UBASH3B: variants seen among roughly 807,000 people sequenced by gnomAD.
UBASH3B encodes the protein ubiquitin associated and SH3 domain containing B.
A neutral mutation model predicts 83.4 loss-of-function variants in UBASH3B; 37 were observed. That is an observed-to-expected ratio of 0.44 (90% confidence interval 0.34 to 0.58). The LOEUF (loss-of-function observed/expected upper bound fraction) is 0.58. Among genes scored for constraint, UBASH3B ranks in the 20% least tolerant of loss-of-function variants. UBASH3B has a pLI of 0.01. For missense variants in UBASH3B, 657 were observed against 827.2 expected, an observed-to-expected ratio of 0.79 and a Z score of 2.52; for synonymous variants, 304 against 318.3, an observed-to-expected ratio of 0.96 and a Z score of 0.48.
At chr11:122,690,256 T>TTA (rs201574384) in intron 1 of UBASH3B, among the ~76,000 whole-genome samples, 82 of 117,822 alleles carry the variant, frequency 7.0e-4, no homozygotes, top group East Asian at 3.2e-3. Context: ...ATATATCCAA[T>TTA]TATATATATA....
At chr11:122,681,189 A>G (rs575390416) in intron 1 of UBASH3B, among the ~76,000 whole-genome samples, 7 of 152,334 alleles carry the variant, frequency 4.6e-5, no homozygotes, top group Non-Finnish European at 1.0e-4. Flanking sequence ...TAAAAGCATA[A>G]TAGAATGAAT....
intron 6 of UBASH3B, among the ~76,000 whole-genome samples, chr11:122,790,895 G>A (rs1861041562): frequency 6.6e-6 from 1 of 151,760 alleles, no homozygotes. Context: ...AGGTTGCAGT[G>A]AGCTGAGATC....
intron 10 of UBASH3B, 38 bp downstream of exon 10, chr11:122,799,072 CCT>C (rs746854882): frequency 1.3e-6 from 2 of 1,547,774 alleles, no homozygotes; most frequent in Non-Finnish European, 1.8e-6. Flanking sequence ...GTAGTCCATC[CCT>C]CTCTTTCTAG....
intron 1 of UBASH3B, among the ~76,000 whole-genome samples, chr11:122,708,081 C>T (rs1365025339): frequency 1.3e-5 from 2 of 152,088 alleles, no homozygotes; most frequent in Non-Finnish European, 2.9e-5. Context: ...TACTAGGAAA[C>T]ACACTGAGCC....
chr11:122,729,628 A>G (rs1202327675), intron 1 of UBASH3B, among the ~76,000 whole-genome samples: 1 of 151,974 alleles, frequency 6.6e-6, no homozygotes, highest in East Asian at 1.9e-4. Context: ...CTTTATGAGT[A>G]TTTTGGAGTA....
rs563649832 is a variant in UBASH3B, at chr11:122,744,909, G to A, written c.162-31310G>A. On this transcript the variant is annotated intron_variant, in intron 1 of 13. Coordinates refer to ENST00000284273, the MANE Select transcript of UBASH3B (RefSeq NM_032873.5). ...TGTGTGTGTGTGTGTGCGCGCGCGC[G>A]CGCACTTGGGCACGTGAGTGTGCCG... Among the ~76,000 whole-genome samples, 548 of 139,480 alleles carry A rather than the reference G, an allele frequency of 3.9e-3. 5 individuals are homozygous for A. The highest frequency in any genetic ancestry group is 0.025 in the South Asian group (115 of 4,540). The allele number at this position is 139,480 out of a possible 152,430, so 91.5% of individuals were successfully genotyped here. A position where few individuals can be genotyped will look rare whatever the true frequency, so the allele number is the denominator to read the frequency against.
rs150906759 is a variant in UBASH3B at position 122,759,431 on chromosome 11, G to A, written c.162-16788G>A. Among the ~76,000 whole-genome samples, 222 of 152,286 alleles carry A rather than the reference G, an allele frequency of 1.5e-3. 1 individual carries two copies. Among genetic ancestry groups the A allele is most frequent in the African/African-American group, 5.3e-3 (219 of 41,550 alleles). On this transcript the variant is annotated intron_variant, in intron 1 of 13. Transcript: ENST00000284273. The surrounding 1 kb of genome is among the most constrained non-coding windows in gnomAD (Gnocchi z 4.1). ...GTGTGATGGTTTGGGGATGATTCAAGTGCATTACATTTATTGTGCACTTTA... is the reference window on the plus strand; with the variant it reads ...GTGTGATGGTTTGGGGATGATTCAAATGCATTACATTTATTGTGCACTTTA...
intron 1 of UBASH3B, among the ~76,000 whole-genome samples, chr11:122,751,998 T>C (rs1282546795): frequency 1.3e-5 from 2 of 151,884 alleles, no homozygotes; most frequent in Non-Finnish European, 2.9e-5. Flanking sequence ...ACCTAAAGTA[T>C]AAAAAAAGGG....
At chr11:122,731,297 T>A (rs1337613051) in intron 1 of UBASH3B, among the ~76,000 whole-genome samples, 1 of 152,218 alleles carries the variant, frequency 6.6e-6, no homozygotes, top group Non-Finnish European at 1.5e-5. Flanking sequence ...GAAGATGAGT[T>A]TTTACTGTAG....
intron 9 of UBASH3B, among the ~76,000 whole-genome samples, chr11:122,797,484 T>C (rs950284688): frequency 4.6e-5 from 7 of 152,212 alleles, no homozygotes; most frequent in African/African-American, 1.7e-4. Flanking sequence ...GTATTTTCTG[T>C]TCAGTCACTT....
intron 1 of UBASH3B, among the ~76,000 whole-genome samples, chr11:122,767,075 C>T (rs927534093): frequency 2.0e-5 from 3 of 152,028 alleles, no homozygotes; most frequent in Non-Finnish European, 4.4e-5. Flanking sequence ...GTCACGAGAT[C>T]GAGACCAGCC....
rs764519535 is a variant in UBASH3B at position 122,806,564 on chromosome 11, T to A, written c.1702+48T>A. Reference sequence around the variant, plus strand: ...CCATCTGTACATACGTGATTATTTCTCTATAATGGTTAATAGGTTATTCAA... The same window carrying A: ...CCATCTGTACATACGTGATTATTTCACTATAATGGTTAATAGGTTATTCAA... On this transcript the variant is annotated intron_variant, in intron 12 of 13. Coordinates refer to ENST00000284273, the MANE Select transcript of UBASH3B (RefSeq NM_032873.5). This position sits in a 1 kb window ranked among gnomAD's most constrained non-coding sequence, Gnocchi z 4.0. 6.7e-7 allele frequency: 1 copy of A among 1,500,504 alleles called. No individual in the cohort carries two copies. The highest frequency in any genetic ancestry group is 8.8e-7 in the Non-Finnish European group (1 of 1,132,258). 92.9% of individuals were successfully genotyped at this position (1,500,504 alleles called of 1,614,324 possible).
intron 1 of UBASH3B, among the ~76,000 whole-genome samples, chr11:122,667,403 T>A (rs1863534404): frequency 6.6e-6 from 1 of 152,136 alleles, no homozygotes. Context: ...TTCACACATT[T>A]ATGTGCAACT....
At position 122,794,584 on chromosome 11, in the gene UBASH3B, A is replaced by T. The variant is rs976403029; in HGVS notation, c.981-118A>T. On this transcript the variant is annotated intron_variant, in intron 6 of 13. Transcript: ENST00000284273. ...AGGCCACTCCTGCTCAGCATCCCCC[A>T]TCATTGTGCTACCCACAGAGGGCTT... 3.9e-6 allele frequency: 5 copies of T among 1,289,736 alleles called. No homozygotes were observed. The African/African-American group carries it at 7.5e-5, about 19-fold the overall frequency. The allele number at this position is 1,289,736 out of a possible 1,614,324, so 79.9% of individuals were successfully genotyped here.
chr11:122,743,812 G>GT (rs1356067912), intron 1 of UBASH3B, among the ~76,000 whole-genome samples: 11 of 152,228 alleles, frequency 7.2e-5, no homozygotes, highest in Non-Finnish European at 1.6e-4. Context: ...GCAGGCACGA[G>GT]TAAGTCTAGC....
intron 1 of UBASH3B, among the ~76,000 whole-genome samples, chr11:122,722,942 T>C (rs1275809518): frequency 1.3e-5 from 2 of 152,154 alleles, no homozygotes; most frequent in African/African-American, 4.8e-5. Flanking sequence ...CCTGATCTCA[T>C]GATCCGCCCA....
intron 6 of UBASH3B, 129 bp downstream of exon 6, chr11:122,789,437 AAGGAGCTGAT>A: frequency 9.6e-7 from 1 of 1,046,174 alleles, no homozygotes; most frequent in Non-Finnish European, 1.4e-6. Flanking sequence ...AATTCCAGGA[AAGGAGCTGAT>A]TTGAGGCATG....
At chr11:122,774,374 A>G (rs972589501) in intron 1 of UBASH3B, 85 of 912,208 alleles carry the variant, frequency 9.3e-5, no homozygotes, top group Middle Eastern at 5.6e-4. Context: ...GATAGTCTTT[A>G]ACTTGTCTTT....
At chr11:122,711,541 C>T (rs112822503) in intron 1 of UBASH3B, among the ~76,000 whole-genome samples, 18 of 152,330 alleles carry the variant, frequency 1.2e-4, no homozygotes, top group African/African-American at 4.1e-4. Flanking sequence ...CCTTTAAGTG[C>T]CTTGCAAGGA....
Sources: gnomAD v4.1 joint callset for allele counts (sites outside exome capture counted in the v4.1 genomes callset) on GRCh38, gnomAD v4.1.1 for gene constraint, Gnocchi (gnomAD v3.1) non-coding constraint, MANE v1.5 for transcripts, NCBI Gene and HGNC (gene_info 2026-07-23, HGNC 2026-07-21) for gene names.